Variants in CTNNA3 observed in about 807,000 individuals in gnomAD.
CTNNA3 encodes the protein catenin alpha 3.
Under a neutral mutation model 95.7 loss-of-function variants are expected in CTNNA3, and 76 were observed. That is an observed-to-expected ratio of 0.79 (90% CI 0.66 to 0.96). CTNNA3 has a LOEUF of 0.96. Ranked by LOEUF, CTNNA3 falls within the 40% of genes least tolerant of loss-of-function variation. CTNNA3 has a pLI of 0.00. For missense variants in CTNNA3, 1,191 were observed against 1,089.8 expected, an observed-to-expected ratio of 1.09 and a Z score of -1.31; for synonymous variants, 431 against 374.4, an observed-to-expected ratio of 1.15 and a Z score of -1.74.
intron 7 of CTNNA3, among the ~76,000 whole-genome samples, chr10:66,976,835 G>A (rs547642263): frequency 2.1e-4 from 32 of 152,156 alleles, no homozygotes; most frequent in Admixed American, 2.1e-3. Flanking sequence ...GGCCTCTTAG[G>A]AGATACCCAC....
At chr10:67,562,023 G>A (rs1177068008) in intron 3 of CTNNA3, among the ~76,000 whole-genome samples, 1 of 152,118 alleles carries the variant, frequency 6.6e-6, no homozygotes, top group Non-Finnish European at 1.5e-5. Context: ...AAAGAGTCCA[G>A]GACCAGATGG....
chr10:67,277,766 C>T (rs1839241086), intron 5 of CTNNA3, among the ~76,000 whole-genome samples: 1 of 152,116 alleles, frequency 6.6e-6, no homozygotes, highest in South Asian at 2.1e-4. Context: ...CATTAGCATG[C>T]TAAAAGACAC....
intron 5 of CTNNA3, among the ~76,000 whole-genome samples, chr10:67,221,388 A>C (rs1864646226): frequency 1.3e-5 from 2 of 152,194 alleles, no homozygotes; most frequent in Admixed American, 1.3e-4. Context: ...TCTTTATAAA[A>C]ACTCATGAGA....
chr10:66,556,718 G>C (rs1311432275), intron 10 of CTNNA3, among the ~76,000 whole-genome samples: 1 of 152,042 alleles, frequency 6.6e-6, no homozygotes, highest in Non-Finnish European at 1.5e-5. Context: ...ATCAGGGGCA[G>C]AAAGGTGGGG....
chr10:66,149,721 A>T (rs566436005), intron 13 of CTNNA3, among the ~76,000 whole-genome samples: 1 of 152,030 alleles, frequency 6.6e-6, no homozygotes, highest in East Asian at 1.9e-4. Context: ...TGTAGTTTAC[A>T]TTCTTATGCA....
chr10:67,566,041 G>GTATATATATA (rs1388066358), intron 3 of CTNNA3, among the ~76,000 whole-genome samples: 523 of 29,360 alleles, frequency 0.018, 23 homozygotes, highest in East Asian at 0.027. Flanking sequence ...ATATGTGTGT[G>GTATATATATA]TGTATATATA....
intron 12 of CTNNA3, among the ~76,000 whole-genome samples, chr10:66,330,951 A>C (rs1343493523): frequency 6.6e-6 from 1 of 151,840 alleles, no homozygotes; most frequent in Non-Finnish European, 1.5e-5. Context: ...GAGTTCTTTG[A>C]AGATTCTGGA....
intron 5 of CTNNA3, among the ~76,000 whole-genome samples, chr10:67,412,334 G>A (rs1329361879): frequency 6.6e-6 from 1 of 151,986 alleles, no homozygotes; most frequent in African/African-American, 2.4e-5. Context: ...AAAGAAAAAT[G>A]AACAAAACAT....
intron 7 of CTNNA3, among the ~76,000 whole-genome samples, chr10:66,796,914 A>G (rs1841216493): frequency 1.3e-5 from 2 of 152,068 alleles, no homozygotes. Flanking sequence ...CCTAGTACAC[A>G]CATGTTCTGA....
rs1000147480 is a variant in CTNNA3, at chr10:67,717,029, C to T, written c.-2+46405G>A. Among the ~76,000 whole-genome samples the T allele has an allele frequency of 1.5e-4, 23 of 152,090 alleles. 1 individual carries two copies. The highest frequency in any genetic ancestry group is 7.9e-4 in the Admixed American group (12 of 15,260). On this transcript the variant is annotated intron_variant, in intron 1 of 17. Transcript: ENST00000684154. ...GATCGCCAGTCTAACTGGTATGAGA[C>T]GGTATCTCATCATGGTTCTTATTTG...
rs12765944 is a variant in CTNNA3, at chr10:66,712,606, T to A, written c.1281+53658A>T. 5.8e-4 allele frequency among the ~76,000 whole-genome samples: 87 copies of A among 149,382 alleles called. No homozygotes were observed. The East Asian group carries it at 0.011, about 19-fold the overall frequency. ...CACTCTCTCTCCCTCTCTCTCTCTC[T>A]CTCACACACACAGCAAGAGACATTT... is the stretch of plus-strand genomic sequence containing the variant. On this transcript the variant is annotated intron_variant, in intron 9 of 17. Transcript: ENST00000433211.
chr10:65,925,616 T>C (rs1046339677), intron 17 of CTNNA3, among the ~76,000 whole-genome samples: 2 of 152,126 alleles, frequency 1.3e-5, no homozygotes, highest in African/African-American at 4.8e-5. Context: ...TTTCTGTTTT[T>C]AGTAGAGACG....
At chr10:67,652,446 T>G (rs372143709) in intron 1 of CTNNA3, among the ~76,000 whole-genome samples, 1 of 152,346 alleles carries the variant, frequency 6.6e-6, no homozygotes, top group South Asian at 2.1e-4. Flanking sequence ...TCAACTAATT[T>G]AAAGAGACTA....
At chr10:66,136,624 G>T (rs2083366177) in intron 13 of CTNNA3, among the ~76,000 whole-genome samples, 1 of 151,968 alleles carries the variant, frequency 6.6e-6, no homozygotes, top group Admixed American at 6.6e-5. Flanking sequence ...CTGATGTGTA[G>T]CATTTGCCAA....
At chr10:66,166,437 C>T (rs1017672725) in intron 13 of CTNNA3, among the ~76,000 whole-genome samples, 2 of 148,748 alleles carry the variant, frequency 1.3e-5, no homozygotes, top group Admixed American at 1.4e-4. Flanking sequence ...GAGTTTGAAC[C>T]GAGCTGAGAT....
intron 10 of CTNNA3, among the ~76,000 whole-genome samples, chr10:66,588,842 A>C (rs761014674): frequency 6.6e-6 from 1 of 152,124 alleles, no homozygotes; most frequent in South Asian, 2.1e-4. Flanking sequence ...GCAAAAATTC[A>C]TTACAATTGA....
At chr10:65,958,041 C>T (rs1268573429) in intron 17 of CTNNA3, among the ~76,000 whole-genome samples, 2 of 152,154 alleles carry the variant, frequency 1.3e-5, no homozygotes, top group Admixed American at 1.3e-4. Flanking sequence ...TAGATTTGGT[C>T]TTTTCACATA....
intron 5 of CTNNA3, among the ~76,000 whole-genome samples, chr10:67,347,551 T>C (rs919525006): frequency 6.6e-6 from 1 of 152,186 alleles, no homozygotes; most frequent in African/African-American, 2.4e-5. Flanking sequence ...TGTTGATGAA[T>C]GAAACAAACT....
At chr10:66,692,986 C>T (rs900601251) in intron 9 of CTNNA3, among the ~76,000 whole-genome samples, 14 of 152,230 alleles carry the variant, frequency 9.2e-5, no homozygotes, top group East Asian at 5.8e-4. Flanking sequence ...AAGCAACAAC[C>T]GGTACCAGCC....
Sources: gnomAD v4.1 joint callset for allele counts (sites outside exome capture counted in the v4.1 genomes callset) on GRCh38, gnomAD v4.1.1 for gene constraint, MANE v1.5 for transcripts, NCBI Gene and HGNC (gene_info 2026-07-23, HGNC 2026-07-21) for gene names.